Variants in RAB28 observed in about 807,000 individuals in gnomAD.
The protein encoded by RAB28 is RAB28, member RAS oncogene family, also known as ras-related protein Rab-28.
A neutral mutation model predicts 31.7 loss-of-function variants in RAB28; 24 were observed. That is an observed-to-expected ratio of 0.76 (90% CI 0.55 to 1.06). RAB28 has a LOEUF of 1.06. Among genes scored for constraint, RAB28 ranks in the 50% least tolerant of loss-of-function variants. RAB28 has a pLI of 0.00. For missense variants in RAB28, 254 were observed against 258.5 expected (o/e 0.98, Z 0.12); for synonymous variants, 100 against 90.4 (o/e 1.11, Z -0.60).
At chr4:13,433,465 C>G (rs764413845) in intron 4 of RAB28, among the ~76,000 whole-genome samples, 1 of 151,924 alleles carries the variant, frequency 6.6e-6, no homozygotes, top group Admixed American at 6.6e-5. Flanking sequence ...AACAAAGAAA[C>G]AAACAAACGA....
chr4:13,389,807 C>T (rs149815008), intron 4 of RAB28, among the ~76,000 whole-genome samples: 242 of 152,218 alleles, frequency 1.6e-3, no homozygotes, highest in African/African-American at 5.7e-3. Flanking sequence ...ATGACAAAAA[C>T]CACATGATTA....
At chr4:13,477,148 T>TTG (rs1302832713) in intron 2 of RAB28, among the ~76,000 whole-genome samples, 1 of 151,574 alleles carries the variant, frequency 6.6e-6, no homozygotes, top group Non-Finnish European at 1.5e-5. Context: ...CTTAAGAAGC[T>TTG]CTATCAGCAG....
At chr4:13,440,464 A>T (rs528791202) in intron 4 of RAB28, among the ~76,000 whole-genome samples, 1 of 152,154 alleles carries the variant, frequency 6.6e-6, no homozygotes, top group Non-Finnish European at 1.5e-5. Context: ...TTAAGTAATC[A>T]AATTAATCAC....
At chr4:13,429,320 G>A (rs1301556743) in intron 4 of RAB28, among the ~76,000 whole-genome samples, 1 of 152,044 alleles carries the variant, frequency 6.6e-6, no homozygotes, top group Non-Finnish European at 1.5e-5. Context: ...CATCCATATT[G>A]AAAAGGAAGA....
chr4:13,388,345 T>A (rs896334721), intron 4 of RAB28, among the ~76,000 whole-genome samples: 1 of 151,992 alleles, frequency 6.6e-6, no homozygotes, highest in African/African-American at 2.4e-5. Context: ...GACCTTTATC[T>A]TACACCACAC....
intron 4 of RAB28, among the ~76,000 whole-genome samples, chr4:13,417,752 C>A (rs1453944790): frequency 6.6e-6 from 1 of 152,126 alleles, no homozygotes; most frequent in African/African-American, 2.4e-5. Flanking sequence ...AGGTCACAAG[C>A]ATCAAAGGCC....
chr4:13,429,537 C>A (rs1713691006), intron 4 of RAB28, among the ~76,000 whole-genome samples: 1 of 151,952 alleles, frequency 6.6e-6, no homozygotes, highest in South Asian at 2.1e-4. Context: ...AACAACTTTA[C>A]AACAGAATTA....
At chr4:13,455,035 G>C (rs1245310235) in intron 4 of RAB28, among the ~76,000 whole-genome samples, 1 of 152,170 alleles carries the variant, frequency 6.6e-6, no homozygotes, top group Non-Finnish European at 1.5e-5. Context: ...TATTTGGTAG[G>C]GGCAGCCCAT....
At chr4:13,429,711 A>G (rs1295306091) in intron 4 of RAB28, among the ~76,000 whole-genome samples, 1 of 152,170 alleles carries the variant, frequency 6.6e-6, no homozygotes, top group Non-Finnish European at 1.5e-5. Flanking sequence ...TCCCCAACTG[A>G]TCTACAGTTT....
intron 5 of RAB28, among the ~76,000 whole-genome samples, chr4:13,378,410 C>T (rs761476398): frequency 1.1e-4 from 17 of 151,996 alleles, no homozygotes; most frequent in Admixed American, 5.9e-4. Context: ...GGGTAAAATA[C>T]TGAGGGCAAA....
intron 4 of RAB28, among the ~76,000 whole-genome samples, chr4:13,427,372 G>C (rs1713562382): frequency 6.6e-6 from 1 of 152,204 alleles, no homozygotes; most frequent in African/African-American, 2.4e-5. Context: ...CACAATGAAT[G>C]TCAGACAAGA....
At chr4:13,483,415 G>GT (rs1716707489) in intron 1 of RAB28, among the ~76,000 whole-genome samples, 2 of 152,146 alleles carry the variant, frequency 1.3e-5, no homozygotes, top group Non-Finnish European at 2.9e-5. Context: ...GTGCTGAGCT[G>GT]GAAACAGAGG....
chr4:13,470,448 T>C (rs983210089), intron 3 of RAB28, among the ~76,000 whole-genome samples: 2 of 152,056 alleles, frequency 1.3e-5, no homozygotes, highest in Non-Finnish European at 2.9e-5. Flanking sequence ...CCAAATCCTT[T>C]CATTGGTACT....
Position 13,429,913 on chromosome 4 carries a change from T to C in RAB28, c.391+30786A>G, listed in dbSNP as rs894501496. On this transcript the variant is annotated intron_variant, in intron 4 of 6. Coordinates refer to ENST00000330852, the MANE Select transcript of RAB28 (RefSeq NM_001017979.3). The stretch of plus-strand genomic sequence containing the variant: ...GTTTATTCAATACTAATCTAATAAA[T>C]CTTAAAACTGATACAGTAATCTACA... Among the ~76,000 whole-genome samples, 7 of 152,294 alleles carry C rather than the reference T, an allele frequency of 4.6e-5. No homozygotes were observed. In the South Asian group the frequency reaches 1.0e-3, roughly 23 times the overall value.
At chr4:13,429,745 C>A (rs186730063) in intron 4 of RAB28, among the ~76,000 whole-genome samples, 2 of 152,260 alleles carry the variant, frequency 1.3e-5, no homozygotes, top group Admixed American at 1.3e-4. Flanking sequence ...ATCAAATTTC[C>A]AGCTGACTTA....
chr4:13,483,897 CTCG>C (rs1200020709), intron 1 of RAB28, among the ~76,000 whole-genome samples, 176 bp downstream of exon 1: 2 of 152,226 alleles, frequency 1.3e-5, no homozygotes. Flanking sequence ...CTGGACAGCT[CTCG>C]TCGGCCTTCA....
chr4:13,483,542 G>T (rs1352753969), intron 1 of RAB28, among the ~76,000 whole-genome samples: 1 of 152,176 alleles, frequency 6.6e-6, no homozygotes, highest in Non-Finnish European at 1.5e-5. Flanking sequence ...CTCCCTTTGC[G>T]GCGGCCCTTT....
intron 1 of RAB28, 21 bp downstream of exon 1, chr4:13,484,055 C>A: frequency 6.3e-7 from 1 of 1,577,940 alleles, no homozygotes; most frequent in Non-Finnish European, 8.6e-7. Flanking sequence ...CCTGGGACGG[C>A]GGGCCTGCTC....
At chr4:13,467,949 T>A (rs1027323343) in intron 3 of RAB28, among the ~76,000 whole-genome samples, 6 of 151,800 alleles carry the variant, frequency 4.0e-5, no homozygotes, top group African/African-American at 1.4e-4. Context: ...CATGAAAACA[T>A]TAATGAAAAG....
Sources: gnomAD v4.1 joint callset for allele counts (sites outside exome capture counted in the v4.1 genomes callset) on GRCh38, gnomAD v4.1.1 for gene constraint, MANE v1.5 for transcripts, NCBI Gene and HGNC (gene_info 2026-07-23, HGNC 2026-07-21) for gene names.